Variants in TENM3 observed in about 807,000 individuals in gnomAD.
The protein encoded by TENM3 is teneurin transmembrane protein 3.
TENM3 carries 63 observed loss-of-function variants against 255.1 expected under a neutral mutation model. The ratio of observed to expected loss-of-function variants is 0.25; its 90% CI spans 0.20 to 0.30. TENM3 has a LOEUF of 0.30. Among genes scored for constraint, TENM3 ranks in the 10% least tolerant of loss-of-function variants. The pLI is 1.00. For missense variants in TENM3, 2,929 were observed against 3,461.1 expected (o/e 0.85, Z 3.86); for synonymous variants, 1,306 against 1,322.3 (o/e 0.99, Z 0.27).
At position 182,594,285 on chromosome 4, in the gene TENM3, G is replaced by A. The variant is rs531273640; in HGVS notation, c.512-6639G>A. On this transcript the variant is annotated intron_variant, in intron 3 of 27. Coordinates refer to ENST00000511685, the MANE Select transcript of TENM3 (RefSeq NM_001080477.4). ...CTCCCCAAGTGATAGGATTACAGGC[G>A]TGAACCACTGAGCCTGGCCCTATGA... Among the ~76,000 whole-genome samples the A allele has an allele frequency of 7.2e-5, 11 of 152,114 alleles. No homozygotes were observed. In the East Asian group the frequency reaches 1.7e-3, roughly 24 times the overall value.
intron 3 of TENM3, among the ~76,000 whole-genome samples, chr4:182,413,713 T>G (rs1770173483): frequency 6.6e-6 from 1 of 152,188 alleles, no homozygotes; most frequent in South Asian, 2.1e-4. Context: ...CAAATGCTTT[T>G]GACATAGAGA....
chr4:182,555,178 G>T (rs1742461558), intron 3 of TENM3, among the ~76,000 whole-genome samples: 1 of 152,102 alleles, frequency 6.6e-6, no homozygotes. Flanking sequence ...ATGACTGAAG[G>T]AGGCAAGCGA....
the TENM3 span, among the ~76,000 whole-genome samples, chr4:181,682,313 G>T: frequency 6.6e-6 from 1 of 152,130 alleles, no homozygotes; most frequent in East Asian, 1.9e-4. Flanking sequence ...CTTCTGTTCA[G>T]TGACAGCAGG....
intron 6 of TENM3, among the ~76,000 whole-genome samples, chr4:182,664,578 A>C (rs1754496299): frequency 6.6e-6 from 1 of 152,214 alleles, no homozygotes; most frequent in African/African-American, 2.4e-5. Context: ...TGGGGAAGGC[A>C]TGTCCAAGAT....
intron 1 of TENM3, among the ~76,000 whole-genome samples, chr4:182,172,446 T>C (rs1752170048): frequency 6.6e-6 from 1 of 152,220 alleles, no homozygotes; most frequent in African/African-American, 2.4e-5. Flanking sequence ...GTAGCTACCA[T>C]GTATCCTTTG....
chr4:181,531,356 T>A, the TENM3 span, among the ~76,000 whole-genome samples: 1 of 152,200 alleles, frequency 6.6e-6, no homozygotes, highest in Non-Finnish European at 1.5e-5. Context: ...TCTTCCTCAA[T>A]TCTTGGCTTA....
the TENM3 span, among the ~76,000 whole-genome samples, chr4:181,841,562 T>C: frequency 1.3e-5 from 2 of 152,328 alleles, no homozygotes; most frequent in South Asian, 2.1e-4. Context: ...ATTTGTTTTC[T>C]GGCACTTACG....
At chr4:182,576,515 G>T (rs1470636245) in intron 3 of TENM3, among the ~76,000 whole-genome samples, 2 of 152,204 alleles carry the variant, frequency 1.3e-5, no homozygotes, top group African/African-American at 4.8e-5. Flanking sequence ...CATATGATGA[G>T]ATCTTGTGAT....
chr4:181,672,911 G>A, the TENM3 span, among the ~76,000 whole-genome samples: 2 of 152,294 alleles, frequency 1.3e-5, no homozygotes, highest in African/African-American at 2.4e-5. Flanking sequence ...CCTAGCTGAG[G>A]ACTGATGCCC....
At chr4:182,031,975 A>G in the TENM3 span, among the ~76,000 whole-genome samples, 1 of 152,148 alleles carries the variant, frequency 6.6e-6, no homozygotes, top group African/African-American at 2.4e-5. Context: ...GGTTTTCTAG[A>G]TATAGGATCA....
chr4:182,514,429 G>A (rs1201225459), intron 3 of TENM3, among the ~76,000 whole-genome samples: 3 of 152,156 alleles, frequency 2.0e-5, no homozygotes, highest in Non-Finnish European at 4.4e-5. Flanking sequence ...TTTGGAACCT[G>A]CAGAGTTTAG....
chr4:181,845,618 G>A, the TENM3 span, among the ~76,000 whole-genome samples: 1 of 152,190 alleles, frequency 6.6e-6, no homozygotes, highest in Non-Finnish European at 1.5e-5. Context: ...TGCAAGGGCA[G>A]GTATGGAGAT....
chr4:182,265,162 T>C (rs1194861612), intron 1 of TENM3, among the ~76,000 whole-genome samples: 1 of 152,156 alleles, frequency 6.6e-6, no homozygotes, highest in Non-Finnish European at 1.5e-5. Context: ...CTGTTTTGCA[T>C]TGTGTTATCT....
At chr4:181,541,097 G>C in the TENM3 span, among the ~76,000 whole-genome samples, 1 of 152,196 alleles carries the variant, frequency 6.6e-6, no homozygotes, top group South Asian at 2.1e-4. Context: ...GTTCAGGCCG[G>C]GCACAGTGGC....
At chr4:181,814,973 T>C in the TENM3 span, among the ~76,000 whole-genome samples, 1 of 151,734 alleles carries the variant, frequency 6.6e-6, no homozygotes, top group Non-Finnish European at 1.5e-5. Flanking sequence ...GAGTAGAAAG[T>C]ATAATTAAAT....
intron 1 of TENM3, among the ~76,000 whole-genome samples, chr4:182,319,244 C>G (rs1762909222): frequency 1.3e-5 from 2 of 152,244 alleles, no homozygotes; most frequent in African/African-American, 2.4e-5. Context: ...TGTGCAGTCA[C>G]TATCAAAGTG....
intron 1 of TENM3, among the ~76,000 whole-genome samples, chr4:182,309,160 C>G (rs911852771): frequency 6.6e-6 from 1 of 152,164 alleles, no homozygotes; most frequent in Non-Finnish European, 1.5e-5. Context: ...TTACCTCCTT[C>G]AAGGAGGAAG....
chr4:181,704,406 T>A, the TENM3 span, among the ~76,000 whole-genome samples: 9 of 152,292 alleles, frequency 5.9e-5, 1 homozygote, highest in African/African-American at 2.2e-4. Context: ...CTTTACCAGG[T>A]TGAGGGAAAG....
chr4:181,682,992 T>G, the TENM3 span, among the ~76,000 whole-genome samples: 11 of 151,774 alleles, frequency 7.2e-5, no homozygotes, highest in South Asian at 1.0e-3. Flanking sequence ...GATGGAATGA[T>G]CACTTGAGAC....
Sources: gnomAD v4.1 joint callset for allele counts (sites outside exome capture counted in the v4.1 genomes callset) on GRCh38, gnomAD v4.1.1 for gene constraint, MANE v1.5 for transcripts, NCBI Gene and HGNC (gene_info 2026-07-23, HGNC 2026-07-21) for gene names.